The following MKNK1 variants were observed in gnomAD, a reference collection of about 807,000 sequenced individuals.
MKNK1 encodes the protein MAPK interacting serine/threonine kinase 1.
In MKNK1, 30 loss-of-function variants were observed where a neutral mutation model predicts 49.3. The ratio of observed to expected loss-of-function variants is 0.61; its 90% confidence interval spans 0.46 to 0.83. The LOEUF (loss-of-function observed/expected upper bound fraction) is 0.83, where lower values mean the gene tolerates loss of function less well. Ranked by LOEUF, MKNK1 falls within the 40% of genes least tolerant of loss-of-function variation. The pLI is 0.00. For synonymous variants in MKNK1, 176 were observed against 201.7 expected (o/e 0.87, Z 1.08); for missense variants, 423 against 524.7 (o/e 0.81, Z 1.89).
chr1:46,584,554 A>G (rs1340523196), intron 2 of MKNK1: 1 of 145,216 alleles, frequency 6.9e-6, no homozygotes, highest in African/African-American at 2.6e-5. Flanking sequence ...TTCTTTGCCC[A>G]TTGAGGGGAA....
intron 2 of MKNK1, among the ~76,000 whole-genome samples, chr1:46,584,127 G>A (rs895601089): frequency 6.6e-6 from 1 of 152,208 alleles, no homozygotes; most frequent in African/African-American, 2.4e-5. Flanking sequence ...CACAGATTGG[G>A]CAGAAAAAGT....
chr1:46,585,931 TAA>T, intron 2 of MKNK1: 2 of 1,365,928 alleles, frequency 1.5e-6, no homozygotes, highest in Non-Finnish European at 2.0e-6. Context: ...GACAAATGGT[TAA>T]GACTTTCCTT....
At chr1:46,586,492 T>C (rs1672592022) in intron 2 of MKNK1, among the ~76,000 whole-genome samples, 1 of 152,186 alleles carries the variant, frequency 6.6e-6, no homozygotes, top group Admixed American at 6.5e-5. Context: ...CCTGTGTTCC[T>C]AAAGGCTGAG....
At chr1:46,578,586 ATTT>A (rs71817045) in intron 4 of MKNK1, among the ~76,000 whole-genome samples, 31 of 138,308 alleles carry the variant, frequency 2.2e-4, no homozygotes, top group African/African-American at 5.8e-4. Context: ...AGATATATCA[ATTT>A]TTTTTTTTTT....
chr1:46,575,975 C>T (rs914211671), intron 5 of MKNK1: 2 of 152,308 alleles, frequency 1.3e-5, no homozygotes, highest in African/African-American at 4.8e-5. Context: ...CCACTGGCTC[C>T]CTGCTGACCC....
rs200676612 is a variant in MKNK1, at chr1:46,586,041, CA to C, written c.-2-2713del. On this transcript the variant is annotated intron_variant, in intron 2 of 12. Transcript: ENST00000371945. ...AACATGCTTAGCTTCCCTGGTTACA[CA>C]GGGGGAAGCGAGAGGTGTCATAATC... 4,130 of 717,466 alleles carry C rather than the reference CA, an allele frequency of 5.8e-3. 81 individuals carry two copies. Among genetic ancestry groups the C allele is most frequent in the Admixed American group, 0.044 (1,886 of 42,886 alleles). 44.4% of individuals were successfully genotyped at this position (717,466 alleles called of 1,614,324 possible).
chr1:46,564,109 A>C (rs1285216775), intron 9 of MKNK1, among the ~76,000 whole-genome samples: 1 of 151,268 alleles, frequency 6.6e-6, no homozygotes, highest in African/African-American at 2.4e-5. Flanking sequence ...AAATCTCAAA[A>C]GAATCATAAT....
intron 7 of MKNK1, chr1:46,571,573 A>AT: frequency 2.3e-6 from 1 of 428,204 alleles, no homozygotes; most frequent in Non-Finnish European, 4.6e-6. Flanking sequence ...AGAAAAATAG[A>AT]TTTTTCATTT....
intron 5 of MKNK1, chr1:46,576,158 G>T: frequency 5.1e-6 from 1 of 195,322 alleles, no homozygotes; most frequent in Non-Finnish European, 1.1e-5. Flanking sequence ...CTGCACATAT[G>T]TAAACATTCT....
At chr1:46,559,029 C>A (rs1469603897) in intron 12 of MKNK1, among the ~76,000 whole-genome samples, 1 of 152,172 alleles carries the variant, frequency 6.6e-6, no homozygotes, top group Non-Finnish European at 1.5e-5. Flanking sequence ...ATGGTAGGGG[C>A]AAGCTCCCCC....
At chr1:46,583,438 C>T (rs1454597499) in intron 2 of MKNK1, 109 bp from the exon 3 acceptor site, 1 of 735,612 alleles carries the variant, frequency 1.4e-6, no homozygotes, top group Non-Finnish European at 2.2e-6. Flanking sequence ...GAGGTTTACA[C>T]TGATGGTTTT....
intron 5 of MKNK1, 88 bp downstream of exon 5, chr1:46,576,487 G>T (rs546581710): frequency 9.2e-7 from 1 of 1,089,328 alleles, no homozygotes; most frequent in Non-Finnish European, 1.4e-6. Flanking sequence ...AGAGCTAAAT[G>T]CTGGAGTCAG....
At chr1:46,585,206 C>G (rs985314892) in intron 2 of MKNK1, among the ~76,000 whole-genome samples, 1 of 111,964 alleles carries the variant, frequency 8.9e-6, no homozygotes, top group Non-Finnish European at 1.7e-5. Context: ...GCCGAGATCA[C>G]GCCATTGCAC....
chr1:46,566,801 T>C (rs1669147448), intron 8 of MKNK1, among the ~76,000 whole-genome samples: 1 of 152,220 alleles, frequency 6.6e-6, no homozygotes, highest in East Asian at 1.9e-4. Flanking sequence ...GAAATGTCTG[T>C]TCAAGTCCCG....
intron 1 of MKNK1, among the ~76,000 whole-genome samples, chr1:46,596,082 G>T (rs1674028590): frequency 6.6e-6 from 1 of 152,154 alleles, no homozygotes; most frequent in African/African-American, 2.4e-5. Flanking sequence ...CTTGTCATAG[G>T]TTTAGACCCC....
At chr1:46,572,388 C>CT (rs112714620) in intron 6 of MKNK1, 10,044 of 311,114 alleles carry the variant, frequency 0.032, 1 homozygote, top group South Asian at 0.052. Context: ...AATTTTTGTA[C>CT]TTTTTTTTTT....
At chr1:46,590,362 TA>T (rs1306126055) in intron 2 of MKNK1, among the ~76,000 whole-genome samples, 5 of 152,184 alleles carry the variant, frequency 3.3e-5, no homozygotes, top group African/African-American at 1.2e-4. Flanking sequence ...CTACTCCTAG[TA>T]GTGACATTAC....
chr1:46,601,213 C>T (rs1335452448), intron 1 of MKNK1, among the ~76,000 whole-genome samples: 1 of 152,170 alleles, frequency 6.6e-6, no homozygotes, highest in Non-Finnish European at 1.5e-5. Context: ...CACACACCGG[C>T]CTCCTTGTGT....
chr1:46,599,536 C>A (rs1200100230), intron 1 of MKNK1, among the ~76,000 whole-genome samples: 1 of 152,224 alleles, frequency 6.6e-6, no homozygotes, highest in African/African-American at 2.4e-5. Flanking sequence ...GTCCATGCAG[C>A]TTCCAAACTA....
Sources: gnomAD v4.1 joint callset for allele counts (sites outside exome capture counted in the v4.1 genomes callset) on GRCh38, gnomAD v4.1.1 for gene constraint, MANE v1.5 for transcripts, NCBI Gene and HGNC (gene_info 2026-07-23, HGNC 2026-07-21) for gene names.